Variants in C10orf67 observed in about 807,000 individuals in gnomAD.
C10orf67 encodes uncharacterized protein C10orf67, mitochondrial.
In C10orf67, 60 loss-of-function variants were observed where a neutral mutation model predicts 35.6. The ratio of observed to expected loss-of-function variants is 1.68; its 90% confidence interval spans 1.37 to 2.09. C10orf67 has a LOEUF of 2.09. Ranked by LOEUF, C10orf67 falls within the 30% of genes most tolerant of loss-of-function variation. The probability of loss-of-function intolerance (pLI) is 0.00; values close to 1 mark genes in which losing one functional copy is unlikely to be tolerated. For synonymous variants in C10orf67, 167 were observed against 115.8 expected (o/e 1.44, Z -2.84); for missense variants, 474 against 330.2 (o/e 1.44, Z -3.38).
At chr10:23,331,224 AGGGAG>A (rs1246811491) in intron 2 of C10orf67, among the ~76,000 whole-genome samples, 15 of 12,956 alleles carry the variant, frequency 1.2e-3, no homozygotes, top group African/African-American at 9.4e-3. Flanking sequence ...AGGGAAGGGA[AGGGAG>A]GAGGGAAGGG....
intron 5 of C10orf67, among the ~76,000 whole-genome samples, chr10:23,292,137 G>T (rs887109981): frequency 4.8e-5 from 7 of 147,034 alleles, no homozygotes; most frequent in African/African-American, 1.5e-4. Context: ...CGCAATAGAC[G>T]CGCTTATTGG....
chr10:23,328,993 CAA>C (rs57772405), intron 2 of C10orf67, among the ~76,000 whole-genome samples: 34,599 of 79,188 alleles, frequency 0.44, 3,997 homozygotes, highest in East Asian at 0.66. Context: ...CATAAACGAA[CAA>C]AAAAAAAAAA....
chr10:23,329,617 T>C (rs1845351758), intron 2 of C10orf67, among the ~76,000 whole-genome samples: 1 of 151,754 alleles, frequency 6.6e-6, no homozygotes, highest in South Asian at 2.1e-4. Context: ...CTGGGTAACG[T>C]AGCAAGACTC....
At chr10:23,318,532 T>A (rs1844824144) in intron 4 of C10orf67, 2 of 203,150 alleles carry the variant, frequency 9.8e-6, no homozygotes, top group Non-Finnish European at 2.0e-5. Flanking sequence ...ATTCTGTGTT[T>A]ATCAGCAAGT....
intron 15 of C10orf67, among the ~76,000 whole-genome samples, chr10:23,210,728 C>T (rs1031548202): frequency 1.3e-5 from 2 of 152,174 alleles, no homozygotes; most frequent in African/African-American, 4.8e-5. Flanking sequence ...TGGCCTCAGA[C>T]TCAGTTTTAT....
intron 10 of C10orf67, among the ~76,000 whole-genome samples, chr10:23,264,745 C>G (rs1356094524): frequency 1.3e-5 from 2 of 152,176 alleles, no homozygotes; most frequent in African/African-American, 4.8e-5. Context: ...CAGCTGCCCC[C>G]TGCTGCTGTG....
intron 5 of C10orf67, among the ~76,000 whole-genome samples, chr10:23,298,204 G>T (rs1021675025): frequency 6.6e-6 from 1 of 152,074 alleles, no homozygotes; most frequent in Non-Finnish European, 1.5e-5. Context: ...GCAGTGAGCC[G>T]AGATGGCACC....
chr10:23,276,000 T>C (rs1843176055), intron 8 of C10orf67, among the ~76,000 whole-genome samples: 1 of 152,172 alleles, frequency 6.6e-6, no homozygotes, highest in African/African-American at 2.4e-5. Flanking sequence ...CTTATGTTTA[T>C]TTGGAATCCC....
At chr10:23,235,655 G>C (rs866878106) in intron 13 of C10orf67, among the ~76,000 whole-genome samples, 5 of 152,142 alleles carry the variant, frequency 3.3e-5, no homozygotes, top group African/African-American at 9.7e-5. Flanking sequence ...CAAATTTTCT[G>C]TTATGTGCAT....
intron 12 of C10orf67, among the ~76,000 whole-genome samples, chr10:23,248,241 T>C (rs1842365151): frequency 6.6e-6 from 1 of 152,156 alleles, no homozygotes; most frequent in African/African-American, 2.4e-5. Context: ...GATTGCCGCC[T>C]GGGGTGGAGG....
At chr10:23,251,467 GT>G (rs1842453987) in intron 10 of C10orf67, among the ~76,000 whole-genome samples, 1 of 152,134 alleles carries the variant, frequency 6.6e-6, no homozygotes, top group African/African-American at 2.4e-5. Flanking sequence ...TATCAATAAT[GT>G]TTATATTTTG....
At chr10:23,216,844 C>T (rs550823393) in intron 15 of C10orf67, among the ~76,000 whole-genome samples, 75 of 152,120 alleles carry the variant, frequency 4.9e-4, no homozygotes, top group African/African-American at 1.8e-3. Flanking sequence ...GATTGACAAA[C>T]TCTAAAATCA....
chr10:23,333,757 G>T (rs1200935884), intron 1 of C10orf67, among the ~76,000 whole-genome samples: 1 of 152,172 alleles, frequency 6.6e-6, no homozygotes, highest in Non-Finnish European at 1.5e-5. Context: ...GCATGGAAAA[G>T]CTTTGCAAAA....
At chr10:23,290,412 T>C (rs1180323457) in intron 6 of C10orf67, among the ~76,000 whole-genome samples, 1 of 152,216 alleles carries the variant, frequency 6.6e-6, no homozygotes, top group Non-Finnish European at 1.5e-5. Flanking sequence ...TACTGATATT[T>C]TGCTATAATT....
rs181359212 is a variant in C10orf67 at position 23,320,788 on chromosome 10, T to G, written c.499A>C (p.Asn167His). Residue 167 changes from asparagine to histidine, a missense_variant, in exon 4 of 16, where the codon AAT (asparagine) becomes CAT (histidine). Physicochemically the swap from Asn to His is moderately conservative, Grantham distance 68. Coordinates refer to ENST00000636213, the MANE Select transcript of C10orf67 (RefSeq NM_001371909.1). Reference protein sequence around the residue: ...QNEDKMRKSFNQQLADAIAVI... With the variant: ...QNEDKMRKSFHQQLADAIAVI... ...GCTATGGCATCAGCTAACTGCTGAT[T>G]GAAGGATTTTCTCATCTTATCCTCA... The G allele has an allele frequency of 7.5e-6, 12 of 1,589,442 alleles. No homozygotes were observed. The East Asian group carries it at 2.5e-4, about 33-fold the overall frequency.
chr10:23,212,319 C>T (rs1464415866), intron 15 of C10orf67, among the ~76,000 whole-genome samples: 2 of 152,152 alleles, frequency 1.3e-5, no homozygotes, highest in African/African-American at 2.4e-5. Context: ...GTGGTTGAAG[C>T]CACCTGGTTT....
chr10:23,334,776 G>A (rs1845610540), intron 1 of C10orf67, among the ~76,000 whole-genome samples: 1 of 152,242 alleles, frequency 6.6e-6, no homozygotes, highest in South Asian at 2.1e-4. Context: ...GGCACCAGAG[G>A]AGAGGTTTCT....
At chr10:23,331,231 A>AAC (rs1303244096) in intron 2 of C10orf67, among the ~76,000 whole-genome samples, 2 of 10,314 alleles carry the variant, frequency 1.9e-4, no homozygotes, top group East Asian at 9.6e-3. Context: ...GGAAGGGAGG[A>AAC]GGGAAGGGAA....
At chr10:23,220,923 C>T (rs537169896) in intron 15 of C10orf67, among the ~76,000 whole-genome samples, 1 of 152,262 alleles carries the variant, frequency 6.6e-6, no homozygotes, top group South Asian at 2.1e-4. Context: ...CCATAGGATA[C>T]TTTAAATAAT....
Sources: allele counts gnomAD v4.1 joint callset (sites outside exome capture counted in the v4.1 genomes callset), GRCh38; gene constraint gnomAD v4.1.1; transcripts MANE v1.5; gene names NCBI Gene and HGNC (gene_info 2026-07-23, HGNC 2026-07-21).